The following ZFP62 variants were observed in gnomAD, a reference collection of about 807,000 sequenced individuals.
ZFP62 encodes zinc finger protein 62 homolog.
ZFP62 carries 44 observed loss-of-function variants against 56.4 expected under a neutral mutation model. That is an observed-to-expected ratio of 0.78 (90% CI 0.61 to 1.00). The LOEUF (loss-of-function observed/expected upper bound fraction) is 1.00. Among genes scored for constraint, ZFP62 ranks in the 50% least tolerant of loss-of-function variants. The pLI is 0.00. For missense variants in ZFP62, 1,030 were observed against 1,085.7 expected (o/e 0.95, Z 0.72); for synonymous variants, 421 against 388.9 (o/e 1.08, Z -0.97).
At chr5:180,859,463 T>C (rs1753586912) in intron 1 of ZFP62, among the ~76,000 whole-genome samples, 1 of 152,240 alleles carries the variant, frequency 6.6e-6, no homozygotes, top group Admixed American at 6.5e-5. Context: ...ATTTGTCTTA[T>C]GAATATTAGG....
intron 1 of ZFP62, among the ~76,000 whole-genome samples, chr5:180,858,267 AAAAAAAAAAAAG>A (rs1466454963): frequency 1.2e-4 from 18 of 144,538 alleles, no homozygotes; most frequent in East Asian, 2.0e-4. Flanking sequence ...CAAAAAAAAA[AAAAAAAAAAAAG>A]AAAAAAAGAA....
chr5:180,829,736 C>T, the ZFP62 span, among the ~76,000 whole-genome samples: 1 of 152,128 alleles, frequency 6.6e-6, no homozygotes, highest in Non-Finnish European at 1.5e-5. Context: ...TCATCAGTGA[C>T]GTGACTTAGC....
At chr5:180,851,951 C>G in intron 1 of ZFP62, 1 of 889,066 alleles carries the variant, frequency 1.1e-6, no homozygotes, top group Non-Finnish European at 1.4e-6. Context: ...ACAAAATCAG[C>G]AGAGGACAGA....
the ZFP62 span, among the ~76,000 whole-genome samples, chr5:180,833,335 C>T: frequency 6.6e-6 from 1 of 151,882 alleles, no homozygotes; most frequent in East Asian, 1.9e-4. Flanking sequence ...AAAAATTAAC[C>T]AGGTGTGGCA....
At chr5:180,841,906 G>A in the ZFP62 span, among the ~76,000 whole-genome samples, 1 of 152,054 alleles carries the variant, frequency 6.6e-6, no homozygotes, top group Non-Finnish European at 1.5e-5. Context: ...ACAAAAATTA[G>A]CCAGGCATGG....
In ZFP62 at chr5:180,850,900, A is replaced by G; in HGVS notation, c.595T>C (p.Cys199Arg). 2 of 1,565,630 alleles carry G rather than the reference A, an allele frequency of 1.3e-6. 1 individual carries two copies. Among genetic ancestry groups the G allele is most frequent in the South Asian group, 2.3e-5 (2 of 85,152 alleles). ...RIHTGEKPYKCEECGKAYMSY... is the reference protein window; with the variant it reads ...RIHTGEKPYKREECGKAYMSY... Reference sequence around the variant, plus strand: ...ATGTAGGCTTTCCCACATTCCTCACACTTGTACGGCTTCTCCCCAGTGTGG... The same window carrying G: ...ATGTAGGCTTTCCCACATTCCTCACGCTTGTACGGCTTCTCCCCAGTGTGG... The change falls in exon 2 of 2, where the codon TGT becomes CGT. Residue 199 changes from cysteine to arginine, a missense_variant. Cys to Arg is a radical substitution (Grantham distance 180). Coordinates refer to ENST00000502412, the MANE Select transcript of ZFP62 (RefSeq NM_001172638.2).
At chr5:180,844,625 C>A (rs1773374943), downstream of ZFP62, among the ~76,000 whole-genome samples, 2 of 152,202 alleles carry the variant, frequency 1.3e-5, no homozygotes, top group South Asian at 4.1e-4. Flanking sequence ...AGCCCTCAAC[C>A]CCCAACGTGT....
downstream of ZFP62, among the ~76,000 whole-genome samples, chr5:180,846,409 A>G (rs1418317323): frequency 6.6e-6 from 1 of 152,244 alleles, no homozygotes; most frequent in East Asian, 1.9e-4. Context: ...TGAGGAGCAC[A>G]TGGAAACCTC....
Position 180,848,055 on chromosome 5 carries a change from A to C in ZFP62, c.*737T>G. On this transcript the variant is annotated 3_prime_UTR_variant, in exon 2 of 2. Coordinates refer to ENST00000502412, the MANE Select transcript of ZFP62 (RefSeq NM_001172638.2). Reference sequence around the variant, plus strand: ...CCAGGTTATCCCTCATCACAAATTCATCATTCATTATGGGAGTTCATCTGA... The same window carrying C: ...CCAGGTTATCCCTCATCACAAATTCCTCATTCATTATGGGAGTTCATCTGA... 6 of 985,408 alleles carry C rather than the reference A, an allele frequency of 6.1e-6. No individual in the cohort carries two copies. The South Asian group carries it at 2.8e-4, about 46-fold the overall frequency. The allele number at this position is 985,408 out of a possible 1,614,324, so 61.0% of individuals were successfully genotyped here. A position where few individuals can be genotyped will look rare whatever the true frequency, so the allele number is the denominator to read the frequency against.
At chr5:180,854,298 T>G (rs1773860752) in intron 1 of ZFP62, among the ~76,000 whole-genome samples, 1 of 151,986 alleles carries the variant, frequency 6.6e-6, no homozygotes, top group Non-Finnish European at 1.5e-5. Context: ...AGCACCGTAA[T>G]AACTAAGTAT....
intron 1 of ZFP62, among the ~76,000 whole-genome samples, chr5:180,852,822 T>C (rs750304911): frequency 5.3e-5 from 8 of 152,202 alleles, no homozygotes; most frequent in Non-Finnish European, 8.8e-5. Flanking sequence ...AAACAATTCT[T>C]TTAAATGGTC....
the ZFP62 span, among the ~76,000 whole-genome samples, chr5:180,829,444 G>A: frequency 1.3e-5 from 2 of 152,194 alleles, no homozygotes; most frequent in Admixed American, 1.3e-4. Context: ...CGGCTCAGGT[G>A]AGCATCACGG....
In ZFP62 at chr5:180,852,119, T is replaced by C. The variant is rs143175893; in HGVS notation, c.2-626A>G. On this transcript the variant is annotated intron_variant, in intron 1 of 1. Coordinates refer to ENST00000502412, the MANE Select transcript of ZFP62 (RefSeq NM_001172638.2). ...ATTAAAATAGTATGGTCCTGGTACA[T>C]AGACAGGCAAATGGAATAGAACAGG... 4.7e-3 allele frequency: 3,303 copies of C among 705,204 alleles called. 13 individuals are homozygous for C. Among genetic ancestry groups the C allele is most frequent in the Non-Finnish European group, 5.5e-3 (3,159 of 574,208 alleles). 43.7% of individuals were successfully genotyped at this position (705,204 alleles called of 1,614,324 possible). A position where few individuals can be genotyped will look rare whatever the true frequency, so the allele number is the denominator to read the frequency against.
chr5:180,836,664 A>G, the ZFP62 span, among the ~76,000 whole-genome samples: 1 of 152,246 alleles, frequency 6.6e-6, no homozygotes, highest in African/African-American at 2.4e-5. Context: ...CAAGCCACAA[A>G]GCAGCCTACA....
chr5:180,836,017 T>C, the ZFP62 span, among the ~76,000 whole-genome samples: 1 of 152,226 alleles, frequency 6.6e-6, no homozygotes, highest in African/African-American at 2.4e-5. Context: ...GATACACAAA[T>C]ACTTACCGTG....
chr5:180,834,131 C>G, the ZFP62 span, among the ~76,000 whole-genome samples: 1 of 152,124 alleles, frequency 6.6e-6, no homozygotes, highest in Non-Finnish European at 1.5e-5. Flanking sequence ...TGGTAGGGCC[C>G]TCATGAGTGG....
the ZFP62 span, chr5:180,831,921 TTCCCA>T: frequency 6.5e-6 from 1 of 153,040 alleles, no homozygotes; most frequent in Non-Finnish European, 1.5e-5. Context: ...GCCTCTGTCT[TTCCCA>T]GACCCCTGTG....
chr5:180,840,789 T>TTGTGTGTGTGTG, the ZFP62 span, among the ~76,000 whole-genome samples: 82 of 146,562 alleles, frequency 5.6e-4, no homozygotes, highest in African/African-American at 1.9e-3. Flanking sequence ...CTAAAACAAT[T>TTGTGTGTGTGTG]TGTGTGTGTG....
chr5:180,848,942 G>T lies in ZFP62; in HGVS notation c.2553C>A (p.Ile851=), dbSNP rs1186059932. 6.4e-7 allele frequency: 1 copy of T among 1,551,734 alleles called. No individual in the cohort carries two copies. The highest frequency in any genetic ancestry group is 8.7e-7 in the Non-Finnish European group (1 of 1,146,986). The change falls in exon 2 of 2, where the codon ATC becomes ATA. Residue 851 remains isoleucine, a synonymous_variant. Coordinates refer to ENST00000502412, the MANE Select transcript of ZFP62 (RefSeq NM_001172638.2). The part of the protein sequence containing the change: ...RCNECGKAFN[I]RSNLTKHKRT... ...TTTTATGCTTGGTGAGATTTGATCTGATATTAAAAGCCTTACCACACTCAT... is the reference window on the plus strand; with the variant it reads ...TTTTATGCTTGGTGAGATTTGATCTTATATTAAAAGCCTTACCACACTCAT...
Sources: allele counts gnomAD v4.1 joint callset (sites outside exome capture counted in the v4.1 genomes callset), GRCh38; gene constraint gnomAD v4.1.1; transcripts MANE v1.5; gene names NCBI Gene and HGNC (gene_info 2026-07-23, HGNC 2026-07-21).